Variants in VWC2L observed in about 807,000 individuals in gnomAD.
VWC2L encodes the protein von Willebrand factor C domain-containing protein 2-like.
Under a neutral mutation model 21.6 loss-of-function variants are expected in VWC2L, and 10 were observed. The ratio of observed to expected loss-of-function variants is 0.46; its 90% CI spans 0.29 to 0.78. The LOEUF is 0.78. VWC2L is among the 30% of genes least tolerant of loss of function. The probability of loss-of-function intolerance (pLI) is 0.10; values close to 1 mark genes in which losing one functional copy is unlikely to be tolerated. For missense variants in VWC2L, 209 were observed against 277.1 expected (o/e 0.75, Z 1.74); for synonymous variants, 96 against 94.3 (o/e 1.02, Z -0.10).
chr2:214,461,670 G>A (rs1462980399), intron 3 of VWC2L, among the ~76,000 whole-genome samples: 1 of 152,158 alleles, frequency 6.6e-6, no homozygotes, highest in African/African-American at 2.4e-5. Flanking sequence ...AGCCGGCAGT[G>A]CCAGGCTGGT....
rs745726397 is a variant in VWC2L at position 214,414,469 on chromosome 2, A to T, written c.276A>T (p.Lys92Asn). The T allele has an allele frequency of 1.2e-6, 2 of 1,613,582 alleles. No homozygotes were observed. The highest frequency in any genetic ancestry group is 1.7e-6 in the Non-Finnish European group (2 of 1,179,684). ...TTTGCGACCAACCAGAATGCCCTAAAATTCACCCAAAGTGTACTAAAGTGG... is the reference window on the plus strand; with the variant it reads ...TTTGCGACCAACCAGAATGCCCTAATATTCACCCAAAGTGTACTAAAGTGG... Reference protein sequence around the residue: ...GPVCDQPECPKIHPKCTKVEH... With the variant: ...GPVCDQPECPNIHPKCTKVEH... Residue 92 changes from lysine to asparagine, a missense_variant, in exon 2 of 4, where the codon AAA (lysine) becomes AAT (asparagine). Transcript: ENST00000312504.
intron 3 of VWC2L, among the ~76,000 whole-genome samples, chr2:214,551,877 T>C (rs1689800050): frequency 6.6e-6 from 1 of 152,228 alleles, no homozygotes; most frequent in Non-Finnish European, 1.5e-5. Context: ...TGACTCTAAC[T>C]GCATGCACTC....
At chr2:214,434,373 C>A (rs1007136335) in intron 2 of VWC2L, among the ~76,000 whole-genome samples, 1 of 152,222 alleles carries the variant, frequency 6.6e-6, no homozygotes, top group South Asian at 2.1e-4. Flanking sequence ...TTGGCAACTA[C>A]GGTTTTCTAA....
chr2:214,481,777 T>C (rs1460478934), intron 3 of VWC2L, among the ~76,000 whole-genome samples: 1 of 152,224 alleles, frequency 6.6e-6, no homozygotes, highest in Non-Finnish European at 1.5e-5. Flanking sequence ...TGTAATATGA[T>C]AGCATTGATC....
chr2:214,413,433 ATTAT>A (rs1395655255), intron 1 of VWC2L, among the ~76,000 whole-genome samples: 3 of 152,020 alleles, frequency 2.0e-5, no homozygotes, highest in Non-Finnish European at 2.9e-5. Flanking sequence ...ATTCTCTTGT[ATTAT>A]TTATTATTTC....
intron 3 of VWC2L, among the ~76,000 whole-genome samples, chr2:214,567,377 T>C (rs576594772): frequency 2.6e-4 from 40 of 152,158 alleles, no homozygotes; most frequent in Middle Eastern, 3.4e-3. Flanking sequence ...TCCAAGATAA[T>C]TGCTAGAACC....
At chr2:214,463,734 C>T (rs1703175358) in intron 3 of VWC2L, among the ~76,000 whole-genome samples, 1 of 152,098 alleles carries the variant, frequency 6.6e-6, no homozygotes, top group Admixed American at 6.6e-5. Context: ...TTGAAGTTTA[C>T]AGTATACATC....
chr2:214,494,977 C>T (rs1313773222), intron 3 of VWC2L, among the ~76,000 whole-genome samples: 2 of 152,038 alleles, frequency 1.3e-5, no homozygotes, highest in Admixed American at 1.3e-4. Context: ...TTTGATTGTT[C>T]CTGAACTGCC....
chr2:214,448,465 A>T lies in VWC2L; in HGVS notation c.520+11707A>T, dbSNP rs142404350. On this transcript the variant is annotated intron_variant, in intron 3 of 3. Coordinates refer to ENST00000312504, the MANE Select transcript of VWC2L (RefSeq NM_001080500.4). ...TGCTTCTCAGAAGATTACTTTTATA[A>T]TTAAGTTTGGTTTTGTTTCCCACTA... 3.1e-3 allele frequency among the ~76,000 whole-genome samples: 466 copies of T among 152,300 alleles called. 2 individuals are homozygous for T. The highest frequency in any genetic ancestry group is 0.01 in the African/African-American group (419 of 41,566).
intron 3 of VWC2L, among the ~76,000 whole-genome samples, chr2:214,515,409 C>G (rs1689124729): frequency 6.6e-6 from 1 of 152,198 alleles, no homozygotes; most frequent in Admixed American, 6.5e-5. Flanking sequence ...GGGCTGACTT[C>G]TAGCATCCTG....
intron 2 of VWC2L, among the ~76,000 whole-genome samples, chr2:214,434,562 T>A (rs1702649496): frequency 6.6e-6 from 1 of 152,184 alleles, no homozygotes; most frequent in African/African-American, 2.4e-5. Context: ...AATCCTGCCT[T>A]TGCCTCTTAC....
intron 3 of VWC2L, among the ~76,000 whole-genome samples, chr2:214,560,839 A>G (rs142174825): frequency 5.1e-4 from 77 of 152,288 alleles, no homozygotes; most frequent in Non-Finnish European, 8.5e-4. Context: ...CACAATAATG[A>G]CAGCTCAAAG....
intron 3 of VWC2L, among the ~76,000 whole-genome samples, chr2:214,507,382 T>C (rs892316230): frequency 6.6e-6 from 1 of 152,220 alleles, no homozygotes; most frequent in African/African-American, 2.4e-5. Context: ...GACAAAGTAA[T>C]TGCATGTATA....
chr2:214,527,961 C>T (rs1689370755), intron 3 of VWC2L, among the ~76,000 whole-genome samples: 1 of 152,136 alleles, frequency 6.6e-6, no homozygotes, highest in African/African-American at 2.4e-5. Context: ...TCATTTCTAT[C>T]ATTTACAATA....
chr2:214,515,384 CCCCTGTGG>C (rs1689124219), intron 3 of VWC2L, among the ~76,000 whole-genome samples: 2 of 152,224 alleles, frequency 1.3e-5, no homozygotes, highest in East Asian at 3.9e-4. Context: ...CTCTCCTCCA[CCCCTGTGG>C]AGGAGAGGGC....
intron 3 of VWC2L, among the ~76,000 whole-genome samples, chr2:214,547,795 C>T (rs1039162875): frequency 6.6e-6 from 1 of 152,160 alleles, no homozygotes; most frequent in Admixed American, 6.5e-5. Context: ...GGAAAACAAA[C>T]AGCCTTGCGA....
intron 3 of VWC2L, among the ~76,000 whole-genome samples, chr2:214,509,697 T>G (rs1322952469): frequency 2.6e-5 from 4 of 152,210 alleles, no homozygotes; most frequent in African/African-American, 9.6e-5. Flanking sequence ...TCATATTGAC[T>G]CTCTGGTTGT....
rs567363286 is a variant in VWC2L at position 214,553,290 on chromosome 2, A to G, written c.521-22382A>G. Among the ~76,000 whole-genome samples, 15 of 152,356 alleles carry G rather than the reference A, an allele frequency of 9.8e-5. No homozygotes were observed. In the South Asian group the frequency reaches 2.9e-3, roughly 29 times the overall value. ...ATTCTGAGCCAAATATGAGTGACTG[A>G]TGGCCTATGACACAGCCCCAGGGGA... On this transcript the variant is annotated intron_variant, in intron 3 of 3. Transcript: ENST00000312504.
intron 3 of VWC2L, among the ~76,000 whole-genome samples, chr2:214,526,242 G>C (rs1460325925): frequency 6.6e-6 from 1 of 151,842 alleles, no homozygotes; most frequent in African/African-American, 2.4e-5. Flanking sequence ...AGGGGGAAAA[G>C]TTACATATTT....
Sources: allele counts gnomAD v4.1 joint callset (sites outside exome capture counted in the v4.1 genomes callset), GRCh38; gene constraint gnomAD v4.1.1; transcripts MANE v1.5; gene names NCBI Gene and HGNC (gene_info 2026-07-23, HGNC 2026-07-21).